USPL1: variants seen among roughly 807,000 people sequenced by gnomAD.
USPL1 encodes SUMO-specific isopeptidase USPL1.
In USPL1, 27 loss-of-function variants were observed where a neutral mutation model predicts 51.5. The ratio of observed to expected loss-of-function variants is 0.52; its 90% CI spans 0.39 to 0.72. USPL1 has a LOEUF of 0.72. USPL1 is among the 30% of genes least tolerant of loss of function. The probability of loss-of-function intolerance (pLI) is 0.00; values close to 1 mark genes in which losing one functional copy is unlikely to be tolerated. For missense variants in USPL1, 1,226 were observed against 1,268.0 expected (o/e 0.97, Z 0.50); for synonymous variants, 451 against 459.6 (o/e 0.98, Z 0.24).
intron 5 of USPL1, among the ~76,000 whole-genome samples, chr13:30,640,678 G>A (rs999031001): frequency 5.9e-5 from 9 of 152,132 alleles, no homozygotes; most frequent in Admixed American, 2.6e-4. Context: ...CAACAAGTGC[G>A]AAACTCCTTC....
intron 6 of USPL1, among the ~76,000 whole-genome samples, chr13:30,644,607 A>G (rs1446588493): frequency 1.3e-5 from 2 of 152,152 alleles, no homozygotes; most frequent in Non-Finnish European, 2.9e-5. Flanking sequence ...CCTGAGACAG[A>G]TGAATGTGTG....
At chr13:30,650,658 T>TA (rs1302705117) in intron 7 of USPL1, among the ~76,000 whole-genome samples, 1 of 151,592 alleles carries the variant, frequency 6.6e-6, no homozygotes, top group Non-Finnish European at 1.5e-5. Context: ...TCAGAGATGT[T>TA]AACAAATGGG....
chr13:30,659,113 T>C lies in USPL1; in HGVS notation c.3036T>C (p.Asn1012=). 6.2e-7 allele frequency: 1 copy of C among 1,614,234 alleles called. No homozygotes were observed. Among genetic ancestry groups the C allele is most frequent in the Non-Finnish European group, 8.5e-7 (1 of 1,180,038 alleles). ...HIPPPVPSEF[N]DVSQNTHLRQ... is the part of the protein sequence containing the mutation. ...CACCACCAGTACCAAGTGAATTCAA[T>C]GATGTTTCCCAGAACACACATCTGA... Residue 1012 remains asparagine (N), a synonymous_variant, in exon 9 of 9, where the codon AAT becomes AAC. Transcript: ENST00000255304.
chr13:30,623,469 T>C (rs1323854794), intron 3 of USPL1, among the ~76,000 whole-genome samples: 1 of 152,140 alleles, frequency 6.6e-6, no homozygotes, highest in Non-Finnish European at 1.5e-5. Flanking sequence ...TGAAAATATA[T>C]GTAATGGGCA....
At chr13:30,648,965 C>G (rs1393466663) in intron 7 of USPL1, among the ~76,000 whole-genome samples, 1 of 152,100 alleles carries the variant, frequency 6.6e-6, no homozygotes, top group Non-Finnish European at 1.5e-5. Context: ...CTGTTCATAC[C>G]TGCTTTTTCC....
At chr13:30,640,730 A>G (rs566172312) in intron 5 of USPL1, among the ~76,000 whole-genome samples, 1 of 152,302 alleles carries the variant, frequency 6.6e-6, no homozygotes, top group East Asian at 1.9e-4. Flanking sequence ...TTTTTGTTCA[A>G]AAGTAGCAGT....
intron 6 of USPL1, among the ~76,000 whole-genome samples, chr13:30,643,193 G>A (rs1034177886): frequency 6.6e-6 from 1 of 152,068 alleles, no homozygotes; most frequent in Non-Finnish European, 1.5e-5. Flanking sequence ...ACCTCCAGAA[G>A]CCTACACATG....
intron 3 of USPL1, among the ~76,000 whole-genome samples, chr13:30,624,285 A>G (rs558334052): frequency 9.2e-5 from 14 of 152,262 alleles, no homozygotes; most frequent in African/African-American, 3.4e-4. Context: ...AAATTGTCAT[A>G]ATCAAAATGG....
chr13:30,621,933 T>G (rs761469499), intron 3 of USPL1, 41 bp downstream of exon 3: 2 of 1,304,508 alleles, frequency 1.5e-6, no homozygotes, highest in South Asian at 4.5e-5. Flanking sequence ...AGATTTTTCT[T>G]TTTTCTTTTG....
At chr13:30,656,561 G>C (rs1951167002) in intron 8 of USPL1, among the ~76,000 whole-genome samples, 1 of 152,176 alleles carries the variant, frequency 6.6e-6, no homozygotes, top group African/African-American at 2.4e-5. Context: ...AGGCTGAGTA[G>C]CATTGTATGT....
intron 7 of USPL1, among the ~76,000 whole-genome samples, chr13:30,651,978 CAGAT>C (rs1744025603): frequency 1.3e-5 from 2 of 151,864 alleles, no homozygotes; most frequent in African/African-American, 4.8e-5. Flanking sequence ...AAAAAAAGGT[CAGAT>C]AGGTGCCTAA....
Position 30,658,689 on chromosome 13 carries a change from G to A in USPL1, c.2612G>A (p.Gly871Asp). 1 of 1,614,196 alleles carries A rather than the reference G, an allele frequency of 6.2e-7. No homozygotes were observed. Residue 871 changes from glycine (G) to aspartate (D), a missense_variant, in exon 9 of 9, where the codon GGT (glycine) becomes GAT (aspartate). Physicochemically the swap from Gly to Asp is moderately conservative, Grantham distance 94 (BLOSUM62 -1). Transcript: ENST00000255304. ...AQLNHSSYGN[G>D]ISSANHEDLV... The stretch of plus-strand genomic sequence containing the variant: ...CTCAACCACAGTTCTTATGGGAATG[G>A]TATTTCTTCAGCAAACCATGAAGAC...
In USPL1 at chr13:30,621,838, A is replaced by G; in HGVS notation, c.174A>G (p.Leu58=). The G allele has an allele frequency of 1.3e-6, 2 of 1,585,222 alleles. No homozygotes were observed. The highest frequency in any genetic ancestry group is 1.7e-6 in the Non-Finnish European group (2 of 1,167,338). Residue 58 remains leucine, a synonymous_variant, in exon 3 of 9, where the codon TTA becomes TTG. Transcript: ENST00000255304. ...ACREKGKLKA[L]KTYRISFQES... ...GAGAGAAGGGAAAGTTAAAAGCCTT[A>G]AAGACTTACCGAATTAGTTTTCAAG...
intron 7 of USPL1, among the ~76,000 whole-genome samples, chr13:30,650,558 C>T (rs991216041): frequency 1.5e-5 from 2 of 131,324 alleles, no homozygotes; most frequent in Non-Finnish European, 3.1e-5. Context: ...GCCTGGGCAA[C>T]AGAGTGAGAC....
chr13:30,621,225 G>T lies in USPL1; in HGVS notation c.85G>T (p.Gly29Trp). The change falls in exon 2 of 9, where the codon GGG becomes TGG. Residue 29 changes from glycine (G) to tryptophan (W), a missense_variant. Coordinates refer to ENST00000255304, the MANE Select transcript of USPL1 (RefSeq NM_005800.5). ...AGGGATATCTTCACTCCACATGGTG[G>T]GGTATTTGGGAAAAGTTAGTGAACT... ...DIGISSLHMVGYLGKNFDSAK... is the reference protein window; with the variant it reads ...DIGISSLHMVWYLGKNFDSAK... The T allele has an allele frequency of 6.3e-7, 1 of 1,589,290 alleles. No homozygotes were observed. Among genetic ancestry groups the T allele is most frequent in the Admixed American group, 1.8e-5 (1 of 55,326 alleles).
chr13:30,657,913 T>G lies in USPL1; in HGVS notation c.1836T>G (p.Pro612=), dbSNP rs1469243562. 9 of 1,613,856 alleles carry G rather than the reference T, an allele frequency of 5.6e-6. No individual in the cohort carries two copies. Among genetic ancestry groups the G allele is most frequent in the Non-Finnish European group, 7.6e-6 (9 of 1,180,030 alleles). ...NSEAFLLENK[P]VAENTGILKT... ...AAGCTTTCCTGTTAGAAAATAAACC[T>G]GTAGCAGAAAATACAGGAATTCTCA... Residue 612 remains proline (P), a synonymous_variant, in exon 9 of 9, where the codon CCT becomes CCG. Coordinates refer to ENST00000255304, the MANE Select transcript of USPL1 (RefSeq NM_005800.5).
At chr13:30,638,803 T>C (rs965936795) in intron 5 of USPL1, among the ~76,000 whole-genome samples, 8 of 150,798 alleles carry the variant, frequency 5.3e-5, no homozygotes, top group African/African-American at 1.9e-4. Flanking sequence ...TATAATAAAA[T>C]CAGTTGTTGC....
intron 4 of USPL1, among the ~76,000 whole-genome samples, chr13:30,635,327 T>C (rs1950860771): frequency 6.6e-6 from 1 of 152,222 alleles, no homozygotes; most frequent in African/African-American, 2.4e-5. Context: ...GGAATTCATA[T>C]TGATGTGTGG....
intron 5 of USPL1, among the ~76,000 whole-genome samples, chr13:30,640,966 T>C (rs990872069): frequency 1.3e-5 from 2 of 152,158 alleles, no homozygotes; most frequent in African/African-American, 4.8e-5. Flanking sequence ...GGGTAAGTTA[T>C]TGTAGGGCAG....
Sources: allele counts gnomAD v4.1 joint callset (sites outside exome capture counted in the v4.1 genomes callset), GRCh38; gene constraint gnomAD v4.1.1; transcripts MANE v1.5; gene names NCBI Gene and HGNC (gene_info 2026-07-23, HGNC 2026-07-21).